Variants in MAP3K13 observed in about 807,000 individuals in gnomAD.
The protein encoded by MAP3K13 is mitogen-activated protein kinase kinase kinase 13, also known as leucine zipper-bearing kinase.
MAP3K13 carries 52 observed loss-of-function variants against 104.0 expected under a neutral mutation model. The observed-to-expected ratio is 0.50, with a 90% CI of 0.40 to 0.63. MAP3K13 has a LOEUF of 0.63. Among genes scored for constraint, MAP3K13 ranks in the 20% least tolerant of loss-of-function variants. The pLI is 0.00. For synonymous variants in MAP3K13, 394 were observed against 442.2 expected (o/e 0.89, Z 1.37); for missense variants, 914 against 1,218.5 (o/e 0.75, Z 3.72).
At chr3:185,469,714 C>A (rs1717665982) in intron 10 of MAP3K13, among the ~76,000 whole-genome samples, 1 of 152,200 alleles carries the variant, frequency 6.6e-6, no homozygotes, top group Admixed American at 6.5e-5. Context: ...ACTTTAGCAT[C>A]ATCTGAGAGC....
At chr3:185,381,094 C>T in intron 1 of MAP3K13, among the ~76,000 whole-genome samples, 1 of 152,062 alleles carries the variant, frequency 6.6e-6, no homozygotes, top group Admixed American at 6.5e-5. Flanking sequence ...TCCCCAGTAG[C>T]TGGGATTACA....
chr3:185,297,745 AAAAAGAAAAG>A (rs1222361157), intron 2 of MAP3K13, among the ~76,000 whole-genome samples: 1 of 16,644 alleles, frequency 6.0e-5, no homozygotes, highest in Non-Finnish European at 1.3e-4. Flanking sequence ...AAAAAAAAAA[AAAAAGAAAAG>A]AAAAGAAAAA....
intron 1 of MAP3K13, among the ~76,000 whole-genome samples, chr3:185,370,166 C>T (rs756474562): frequency 1.8e-4 from 27 of 152,088 alleles, no homozygotes; most frequent in Non-Finnish European, 2.8e-4. Flanking sequence ...CTAAAATCTA[C>T]TTTTATTCCA....
chr3:185,456,139 T>C (rs1716730379), intron 7 of MAP3K13, among the ~76,000 whole-genome samples: 1 of 151,832 alleles, frequency 6.6e-6, no homozygotes, highest in South Asian at 2.1e-4. Flanking sequence ...AGTAAAGGCA[T>C]AGGTTTTTGT....
At chr3:185,459,164 T>G (rs537508030) in intron 7 of MAP3K13, among the ~76,000 whole-genome samples, 1 of 152,272 alleles carries the variant, frequency 6.6e-6, no homozygotes, top group Admixed American at 6.5e-5. Context: ...ACTGTGAGGT[T>G]AGACTCTGCT....
Position 185,485,716 on chromosome 3 carries a change from G to A in MAP3K13, c.*3260G>A, listed in dbSNP as rs1035728854. The A allele has an allele frequency of 4.0e-5, 6 of 151,866 alleles. No individual in the cohort carries two copies. Among genetic ancestry groups the A allele is most frequent in the African/African-American group, 1.5e-4 (6 of 41,280 alleles). 9.4% of individuals were successfully genotyped at this position (151,866 alleles called of 1,614,324 possible). On this transcript the variant is annotated 3_prime_UTR_variant, in exon 14 of 14. Coordinates refer to ENST00000265026, the MANE Select transcript of MAP3K13 (RefSeq NM_004721.5). The stretch of plus-strand genomic sequence containing the variant: ...ACAAATTAAATTTTATCATAGATAT[G>A]TAAGTATAGAAAAAAAAACATAGTA...
chr3:185,442,918 C>A (rs1715404175), intron 3 of MAP3K13, among the ~76,000 whole-genome samples: 1 of 152,122 alleles, frequency 6.6e-6, no homozygotes. Flanking sequence ...CGGCTCACTG[C>A]AACCTCCACC....
chr3:185,312,696 A>C (rs935244169), intron 2 of MAP3K13, among the ~76,000 whole-genome samples: 6 of 152,238 alleles, frequency 3.9e-5, no homozygotes, highest in Admixed American at 6.5e-5. Context: ...CAAATAGATT[A>C]CATAATTATA....
chr3:185,421,032 T>C (rs1035281450), intron 1 of MAP3K13, among the ~76,000 whole-genome samples: 4 of 152,168 alleles, frequency 2.6e-5, no homozygotes, highest in Non-Finnish European at 4.4e-5. Flanking sequence ...AAAGTGTTCC[T>C]CAAGGGCAGA....
Position 185,437,631 on chromosome 3 carries a change from G to A in MAP3K13, c.659+1G>A. ...AGCACCCTAACATCATCGCATTCAA[G>A]TAGGTCAAGGCTTTTTTTTTTTAAG... is the stretch of plus-strand genomic sequence containing the variant. On this transcript the variant is annotated splice_donor_variant, in intron 3 of 13. Transcript: ENST00000265026. LOFTEE classifies it high-confidence loss of function. The A allele has an allele frequency of 6.6e-7, 1 of 1,515,346 alleles. No homozygotes were observed. The highest frequency in any genetic ancestry group is 8.8e-7 in the Non-Finnish European group (1 of 1,138,116). The allele number at this position is 1,515,346 out of a possible 1,614,324, so 93.9% of individuals were successfully genotyped here.
At chr3:185,403,660 C>T (rs1304175981) in intron 1 of MAP3K13, among the ~76,000 whole-genome samples, 1 of 152,032 alleles carries the variant, frequency 6.6e-6, no homozygotes, top group Non-Finnish European at 1.5e-5. Context: ...GTCAGTTATA[C>T]CTCAGTAAAG....
At chr3:185,356,597 C>A (rs2108736539) in intron 2 of MAP3K13, among the ~76,000 whole-genome samples, 1 of 152,264 alleles carries the variant, frequency 6.6e-6, no homozygotes, top group South Asian at 2.1e-4. Flanking sequence ...AGCTAGTATC[C>A]TGATGAAACA....
At chr3:185,335,264 T>G (rs1160672868) in intron 2 of MAP3K13, among the ~76,000 whole-genome samples, 1 of 152,206 alleles carries the variant, frequency 6.6e-6, no homozygotes, top group Non-Finnish European at 1.5e-5. Flanking sequence ...CTTGGAGAAG[T>G]GTTGCTTTGA....
chr3:185,432,148 T>C (rs1405949744), intron 2 of MAP3K13, among the ~76,000 whole-genome samples: 2 of 151,442 alleles, frequency 1.3e-5, no homozygotes, highest in African/African-American at 4.8e-5. Context: ...TAAAATCACC[T>C]GTCTTTCCAC....
intron 1 of MAP3K13, among the ~76,000 whole-genome samples, chr3:185,283,898 C>CT (rs1201384582): frequency 0.063 from 8,014 of 127,404 alleles, 452 homozygotes; most frequent in East Asian, 0.18. Flanking sequence ...TTCTTTCTTT[C>CT]TTTTTTTTTT....
intron 1 of MAP3K13, among the ~76,000 whole-genome samples, chr3:185,382,852 TTTAA>T (rs1724795852): frequency 1.3e-5 from 2 of 152,076 alleles, no homozygotes; most frequent in African/African-American, 4.8e-5. Flanking sequence ...AAAAATATTT[TTTAA>T]TTAATTAATT....
chr3:185,424,348 C>G (rs1205893076), intron 1 of MAP3K13, among the ~76,000 whole-genome samples: 2 of 152,156 alleles, frequency 1.3e-5, no homozygotes, highest in Non-Finnish European at 2.9e-5. Flanking sequence ...AGTGAGGAGT[C>G]ATAAAATGTT....
intron 1 of MAP3K13, among the ~76,000 whole-genome samples, chr3:185,378,128 A>G (rs902155571): frequency 4.6e-5 from 7 of 152,338 alleles, no homozygotes; most frequent in African/African-American, 1.7e-4. Flanking sequence ...TTAGAAATAC[A>G]TTGCTACTTG....
chr3:185,451,499 T>C lies in MAP3K13; in HGVS notation c.1278+104T>C, dbSNP rs1333364331. 3.3e-5 allele frequency: 24 copies of C among 727,262 alleles called. No individual in the cohort carries two copies. In the East Asian group the frequency reaches 3.5e-4, roughly 11 times the overall value. The allele number at this position is 727,262 out of a possible 1,614,324, so 45.1% of individuals were successfully genotyped here. A position where few individuals can be genotyped will look rare whatever the true frequency, so the allele number is the denominator to read the frequency against. On this transcript the variant is annotated intron_variant, in intron 7 of 13. Transcript: ENST00000265026. ...CCCATTGTGTTTGTTATAATAGTTA[T>C]ATAACTCCATTCATTGTGACACAAT...
Sources: gnomAD v4.1 joint callset for allele counts (sites outside exome capture counted in the v4.1 genomes callset) on GRCh38, gnomAD v4.1.1 for gene constraint, MANE v1.5 for transcripts, NCBI Gene and HGNC (gene_info 2026-07-23, HGNC 2026-07-21) for gene names.